Variants in CNTNAP3B observed in about 807,000 individuals in gnomAD.
CNTNAP3B encodes contactin associated protein family member 3B, also known as contactin-associated protein-like 3B.
In CNTNAP3B, 25 loss-of-function variants were observed where a neutral mutation model predicts 108.9. That is an observed-to-expected ratio of 0.23 (90% CI 0.17 to 0.32). The LOEUF (loss-of-function observed/expected upper bound fraction) is 0.32, where lower values mean the gene tolerates loss of function less well. Ranked by LOEUF, CNTNAP3B falls within the 10% of genes least tolerant of loss-of-function variation. The pLI, the probability that CNTNAP3B is intolerant of heterozygous loss-of-function variation, is 1.00. For synonymous variants in CNTNAP3B, 103 were observed against 473.4 expected (o/e 0.22, Z 10.16); for missense variants, 252 against 1,210.4 (o/e 0.21, Z 11.75).
In CNTNAP3B at chr9:42,029,918, G is replaced by A. The variant is rs1185454053; in HGVS notation, c.391-16393C>T. ...AGCACTTTGGGAGGCTGAGGTGGGTGGATCACGAGGTCAGGAGATCAAGAC... is the reference window on the plus strand; with the variant it reads ...AGCACTTTGGGAGGCTGAGGTGGGTAGATCACGAGGTCAGGAGATCAAGAC... On this transcript the variant is annotated intron_variant, in intron 3 of 23. Coordinates refer to ENST00000377561, the MANE Select transcript of CNTNAP3B (RefSeq NM_001201380.3). 3.8e-4 allele frequency among the ~76,000 whole-genome samples: 11 copies of A among 29,270 alleles called. 3 individuals are homozygous for A. In the South Asian group the frequency reaches 8.0e-3, roughly 21 times the overall value. The allele number at this position is 29,270 out of a possible 152,430, so 19.2% of individuals were successfully genotyped here.
chr9:42,083,013 T>C (rs1287695430), intron 2 of CNTNAP3B, among the ~76,000 whole-genome samples: 1 of 139,622 alleles, frequency 7.2e-6, no homozygotes, highest in Non-Finnish European at 1.5e-5. Context: ...TATATTATGC[T>C]AATAATAGTT....
rs71274672 is a variant in CNTNAP3B at position 42,030,813 on chromosome 9, GGA to G, written c.391-17290_391-17289del. ...TGTGCGAGAGAGAGAGAGAGAGAGA[GGA>G]GAGAGAGAGAGAGAGAGAGAGAGAG... On this transcript the variant is annotated intron_variant, in intron 3 of 23. Transcript: ENST00000377561. Among the ~76,000 whole-genome samples the G allele has an allele frequency of 4.3e-4, 28 of 65,760 alleles. 2 individuals are homozygous for G. The highest frequency in any genetic ancestry group is 1.6e-3 in the African/African-American group (21 of 12,736). 43.1% of individuals were successfully genotyped at this position (65,760 alleles called of 152,430 possible). A position where few individuals can be genotyped will look rare whatever the true frequency, so the allele number is the denominator to read the frequency against.
intron 12 of CNTNAP3B, among the ~76,000 whole-genome samples, chr9:41,955,046 G>A (rs1175843248): frequency 1.3e-5 from 2 of 151,296 alleles, no homozygotes; most frequent in Admixed American, 6.6e-5. Flanking sequence ...CTCACCTTCA[G>A]AGTTTTCCTA....
chr9:41,944,446 C>A (rs1587130422), intron 13 of CNTNAP3B, among the ~76,000 whole-genome samples: 1 of 152,034 alleles, frequency 6.6e-6, no homozygotes, highest in South Asian at 2.1e-4. Flanking sequence ...AGTACCAGCA[C>A]CATTAATGAA....
At chr9:41,953,563 A>C (rs1468564530) in intron 12 of CNTNAP3B, among the ~76,000 whole-genome samples, 177 bp from the exon 13 acceptor site, 4 of 151,338 alleles carry the variant, frequency 2.6e-5, no homozygotes, top group African/African-American at 9.7e-5. Context: ...TCAGCCTCTA[A>C]GAGAAAGCAT....
At chr9:42,017,432 G>GA (rs1345649942) in intron 3 of CNTNAP3B, among the ~76,000 whole-genome samples, 1 of 107,814 alleles carries the variant, frequency 9.3e-6, no homozygotes, top group Non-Finnish European at 1.9e-5. Context: ...TCATTTTGTC[G>GA]TTTCTGTTTT....
chr9:41,941,051 C>A (rs1444397477), intron 13 of CNTNAP3B, among the ~76,000 whole-genome samples: 2 of 149,494 alleles, frequency 1.3e-5, no homozygotes, highest in African/African-American at 5.0e-5. Flanking sequence ...AACTGTAATA[C>A]CATATGATAC....
chr9:41,921,446 G>C (rs79866389), intron 17 of CNTNAP3B, among the ~76,000 whole-genome samples: 2 of 147,264 alleles, frequency 1.4e-5, no homozygotes, highest in Non-Finnish European at 3.0e-5. Context: ...TTCACGTGTA[G>C]CATTTAGTAC....
At chr9:42,029,363 A>G (rs1826471850) in intron 3 of CNTNAP3B, among the ~76,000 whole-genome samples, 1 of 129,630 alleles carries the variant, frequency 7.7e-6, no homozygotes, top group African/African-American at 3.1e-5. Context: ...CACAATTACA[A>G]GTCCACATTT....
chr9:41,953,321 T>A lies in CNTNAP3B; in HGVS notation c.1942A>T (p.Ser648Cys), dbSNP rs370614516. 2.2e-5 allele frequency: 34 copies of A among 1,545,704 alleles called. No homozygotes were observed. The highest frequency in any genetic ancestry group is 2.9e-5 in the Non-Finnish European group (34 of 1,153,264). The change falls in exon 13 of 24, where the codon AGC (serine) becomes TGC (cysteine). Residue 648 changes from serine to cysteine, a missense_variant. Transcript: ENST00000377561. The stretch of plus-strand genomic sequence containing the variant: ...GACACAGCCGAGAGCGGGTGCCCGC[T>A]GGGGGCACCTCGGAGGGTCACCGCG... ...PDAVTLRGAPSGHPLSAVSFA... is the reference protein window; with the variant it reads ...PDAVTLRGAPCGHPLSAVSFA...
chr9:42,023,591 A>G (rs1411980039), intron 3 of CNTNAP3B, among the ~76,000 whole-genome samples: 2 of 96,606 alleles, frequency 2.1e-5, no homozygotes, highest in African/African-American at 4.4e-5. Context: ...GAGTCTAGGA[A>G]GGGACTATTT....
intron 1 of CNTNAP3B, among the ~76,000 whole-genome samples, chr9:42,119,355 C>T (rs891793860): frequency 2.3e-5 from 3 of 132,800 alleles, no homozygotes; most frequent in African/African-American, 9.2e-5. Context: ...GAAGAACATT[C>T]CATGCTCATG....
chr9:42,121,538 A>G (rs188993073), intron 1 of CNTNAP3B, among the ~76,000 whole-genome samples: 1 of 138,530 alleles, frequency 7.2e-6, no homozygotes, highest in African/African-American at 2.9e-5. Flanking sequence ...ACAAATTGAC[A>G]ATCAACCCCG....
chr9:42,116,555 G>C (rs1828321768), intron 1 of CNTNAP3B, among the ~76,000 whole-genome samples: 3 of 137,714 alleles, frequency 2.2e-5, no homozygotes. Flanking sequence ...ACCAGTACCA[G>C]CCACTGCAAA....
At position 41,922,188 on chromosome 9, in the gene CNTNAP3B, G is replaced by A. The variant is rs542792130; in HGVS notation, c.2755+489C>T. Among the ~76,000 whole-genome samples the A allele has an allele frequency of 4.7e-3, 621 of 131,782 alleles. 66 individuals carry two copies. Among genetic ancestry groups the A allele is most frequent in the African/African-American group, 0.019 (600 of 32,264 alleles). The allele number at this position is 131,782 out of a possible 152,430, so 86.5% of individuals were successfully genotyped here. A position where few individuals can be genotyped will look rare whatever the true frequency, so the allele number is the denominator to read the frequency against. On this transcript the variant is annotated intron_variant, in intron 17 of 23. Coordinates refer to ENST00000377561, the MANE Select transcript of CNTNAP3B (RefSeq NM_001201380.3). ...GATACCTAAACACTGAGATACTGCAGGGCCCGGTGGCTCGCGCCTGTAATC... is the reference window on the plus strand; with the variant it reads ...GATACCTAAACACTGAGATACTGCAAGGCCCGGTGGCTCGCGCCTGTAATC...
rs531631456 is a variant in CNTNAP3B at position 41,979,079 on chromosome 9, G to T, written c.1477+7089C>A. Among the ~76,000 whole-genome samples the T allele has an allele frequency of 1.7e-4, 23 of 137,494 alleles. 5 individuals carry two copies. The East Asian group carries it at 5.1e-3, about 31-fold the overall frequency. 90.2% of individuals were successfully genotyped at this position (137,494 alleles called of 152,430 possible). The stretch of plus-strand genomic sequence containing the variant: ...CCAGTAAACAGCCCTGGCCTTGCAG[G>T]TGTAACAGTCTAGGCCTCTGTCTTC... On this transcript the variant is annotated intron_variant, in intron 9 of 23. Transcript: ENST00000377561.
At chr9:41,952,543 G>C (rs1345272964) in intron 13 of CNTNAP3B, among the ~76,000 whole-genome samples, 1 of 152,230 alleles carries the variant, frequency 6.6e-6, no homozygotes, top group Non-Finnish European at 1.5e-5. Flanking sequence ...GGAAAGGAGG[G>C]GGAAGTTGGT....
At chr9:41,937,427 TAA>T (rs1824192742) in intron 14 of CNTNAP3B, among the ~76,000 whole-genome samples, 1 of 151,348 alleles carries the variant, frequency 6.6e-6, no homozygotes, top group African/African-American at 2.4e-5. Context: ...GTGCCTGGCC[TAA>T]GTTTTTTTTT....
chr9:42,031,914 CT>C (rs1337619266), intron 3 of CNTNAP3B, among the ~76,000 whole-genome samples: 2 of 100,824 alleles, frequency 2.0e-5, no homozygotes, highest in African/African-American at 8.3e-5. Flanking sequence ...TATAATGTCA[CT>C]GAACTCAAAT....
Sources: allele counts gnomAD v4.1 joint callset (sites outside exome capture counted in the v4.1 genomes callset), GRCh38; gene constraint gnomAD v4.1.1; transcripts MANE v1.5; gene names NCBI Gene and HGNC (gene_info 2026-07-23, HGNC 2026-07-21).